CCDC148: variants seen among roughly 807,000 people sequenced by gnomAD.
The protein encoded by CCDC148 is coiled-coil domain-containing protein 148.
In CCDC148, 89 loss-of-function variants were observed where a neutral mutation model predicts 85.7. The observed-to-expected ratio is 1.04, with a 90% CI of 0.87 to 1.24. The LOEUF is 1.24. Ranked by LOEUF, CCDC148 falls within the 50% of genes most tolerant of loss-of-function variation. The probability of loss-of-function intolerance (pLI) is 0.00; values close to 1 mark genes in which losing one functional copy is unlikely to be tolerated. For missense variants in CCDC148, 692 were observed against 671.7 expected (o/e 1.03, Z -0.33); for synonymous variants, 230 against 213.9 (o/e 1.08, Z -0.66).
chr2:158,272,504 G>A (rs1206369787), intron 9 of CCDC148, among the ~76,000 whole-genome samples: 2 of 152,196 alleles, frequency 1.3e-5, no homozygotes. Flanking sequence ...ATGAGAAAAA[G>A]AGGAAACTCT....
At chr2:158,315,561 G>A (rs1420722932) in intron 7 of CCDC148, among the ~76,000 whole-genome samples, 1 of 151,836 alleles carries the variant, frequency 6.6e-6, no homozygotes, top group Non-Finnish European at 1.5e-5. Context: ...CTGGGAAGGG[G>A]GAAGCAATAG....
intron 9 of CCDC148, among the ~76,000 whole-genome samples, chr2:158,290,326 C>T (rs1690829485): frequency 6.6e-6 from 1 of 152,196 alleles, no homozygotes; most frequent in South Asian, 2.1e-4. Context: ...TCTAACCTAG[C>T]TTACTGCAAA....
intron 1 of CCDC148, among the ~76,000 whole-genome samples, chr2:158,441,253 C>T (rs919012978): frequency 3.9e-5 from 6 of 152,228 alleles, no homozygotes; most frequent in African/African-American, 1.4e-4. Context: ...TTCAACATCT[C>T]TTCTTCTGAG....
chr2:158,375,463 G>T (rs559256667), intron 1 of CCDC148, among the ~76,000 whole-genome samples: 2 of 152,056 alleles, frequency 1.3e-5, no homozygotes, highest in East Asian at 3.9e-4. Flanking sequence ...GAAAGCGAAG[G>T]CCACAAGCAA....
intron 9 of CCDC148, among the ~76,000 whole-genome samples, chr2:158,292,797 G>C (rs1208236929): frequency 1.3e-5 from 2 of 152,206 alleles, no homozygotes; most frequent in Admixed American, 6.5e-5. Context: ...AGATTTTACA[G>C]TGCAATTTTT....
At chr2:158,351,383 G>A (rs112155145) in intron 2 of CCDC148, among the ~76,000 whole-genome samples, 7,882 of 152,244 alleles carry the variant, frequency 0.052, 372 homozygotes, top group African/African-American at 0.12. Flanking sequence ...TGGGCGCAAC[G>A]TGCGCGAGCC....
chr2:158,333,051 T>C (rs962174122), intron 7 of CCDC148, among the ~76,000 whole-genome samples: 6 of 152,172 alleles, frequency 3.9e-5, no homozygotes, highest in African/African-American at 1.4e-4. Context: ...GCTCTGATCT[T>C]AGTTATTTCT....
rs577098557 is a variant in CCDC148 at position 158,312,237 on chromosome 2, G to A, written c.903+1519C>T. Among the ~76,000 whole-genome samples, 5 of 152,242 alleles carry A rather than the reference G, an allele frequency of 3.3e-5. No homozygotes were observed. In the East Asian group the frequency reaches 9.6e-4, roughly 29 times the overall value. ...TAAAATCTGTTCTGTAAACTTCTCA[G>A]CTTTGTTTTATAAAGCCAAAAATAT... On this transcript the variant is annotated intron_variant, in intron 8 of 13. Coordinates refer to ENST00000283233, the MANE Select transcript of CCDC148 (RefSeq NM_138803.4).
intron 9 of CCDC148, among the ~76,000 whole-genome samples, chr2:158,257,143 T>A (rs1689045357): frequency 6.6e-6 from 1 of 151,724 alleles, no homozygotes; most frequent in African/African-American, 2.4e-5. Context: ...GTGAGACTCC[T>A]GATCCCTGCT....
At chr2:158,332,702 A>G (rs933146485) in intron 7 of CCDC148, among the ~76,000 whole-genome samples, 3 of 151,874 alleles carry the variant, frequency 2.0e-5, no homozygotes, top group African/African-American at 7.3e-5. Flanking sequence ...TACTGCCTCA[A>G]TTTTAGAACT....
At chr2:158,331,600 A>AG (rs201205737) in intron 7 of CCDC148, among the ~76,000 whole-genome samples, 25,340 of 151,574 alleles carry the variant, frequency 0.17, 3,374 homozygotes, top group African/African-American at 0.37. Context: ...TAATGTTGCC[A>AG]TGGGGTGTTA....
chr2:158,447,696 C>A (rs2105347823), intron 1 of CCDC148, among the ~76,000 whole-genome samples: 1 of 152,098 alleles, frequency 6.6e-6, no homozygotes, highest in South Asian at 2.1e-4. Flanking sequence ...ATTTGTATAC[C>A]TTTTTGGTGA....
At chr2:158,395,776 T>G (rs1027193359) in intron 1 of CCDC148, among the ~76,000 whole-genome samples, 1 of 152,250 alleles carries the variant, frequency 6.6e-6, no homozygotes. Context: ...GAGCTATACA[T>G]TTTTGGCAAG....
In CCDC148 at chr2:158,344,230, G is replaced by T. The variant is rs1682883102; in HGVS notation, c.251+985C>A. ...TAAAAGGTGACTTTTTGAGGGATAAGATGGGTCTAATTTCATTGTATTTAA... is the reference window on the plus strand; with the variant it reads ...TAAAAGGTGACTTTTTGAGGGATAATATGGGTCTAATTTCATTGTATTTAA... On this transcript the variant is annotated intron_variant, in intron 3 of 13. Transcript: ENST00000283233. Among the ~76,000 whole-genome samples the T allele has an allele frequency of 2.0e-5, 3 of 152,034 alleles. No individual in the cohort carries two copies. In the South Asian group the frequency reaches 6.2e-4, roughly 32 times the overall value.
At chr2:158,321,493 C>G (rs1298048039) in intron 7 of CCDC148, among the ~76,000 whole-genome samples, 1 of 152,202 alleles carries the variant, frequency 6.6e-6, no homozygotes, top group Non-Finnish European at 1.5e-5. Context: ...GAACCTGAGA[C>G]TGGACATGCC....
At chr2:158,292,353 T>A (rs530948899) in intron 9 of CCDC148, among the ~76,000 whole-genome samples, 1 of 152,322 alleles carries the variant, frequency 6.6e-6, no homozygotes, top group East Asian at 1.9e-4. Flanking sequence ...TATGCTCCAC[T>A]AGGTGGAAAT....
Position 158,449,901 on chromosome 2 carries a change from T to G in CCDC148, c.25+6514A>C, listed in dbSNP as rs187407069. Among the ~76,000 whole-genome samples, 417 of 152,352 alleles carry G rather than the reference T, an allele frequency of 2.7e-3. 2 individuals are homozygous for G. Among genetic ancestry groups the G allele is most frequent in the Admixed American group, 4.9e-3 (75 of 15,308 alleles). On this transcript the variant is annotated intron_variant, in intron 1 of 13. Coordinates refer to ENST00000283233, the MANE Select transcript of CCDC148 (RefSeq NM_138803.4). The stretch of plus-strand genomic sequence containing the variant: ...ATGCACTTTATCACACCAACAAAGT[T>G]CCCTTCTATTCTTAGTATGTTGAGC...
intron 1 of CCDC148, among the ~76,000 whole-genome samples, chr2:158,359,250 C>A (rs1683817572): frequency 6.6e-6 from 1 of 152,082 alleles, no homozygotes; most frequent in South Asian, 2.1e-4. Context: ...GTACTTCCAC[C>A]TCAATTATAT....
At chr2:158,320,016 T>G (rs1331979001) in intron 7 of CCDC148, among the ~76,000 whole-genome samples, 2 of 152,210 alleles carry the variant, frequency 1.3e-5, no homozygotes, top group Non-Finnish European at 2.9e-5. Context: ...ATTTTATTCT[T>G]CATTTTTGGG....
Sources: gnomAD v4.1 joint callset for allele counts (sites outside exome capture counted in the v4.1 genomes callset) on GRCh38, gnomAD v4.1.1 for gene constraint, MANE v1.5 for transcripts, NCBI Gene and HGNC (gene_info 2026-07-23, HGNC 2026-07-21) for gene names.